ASIC2: variants seen among roughly 807,000 people sequenced by gnomAD.
ASIC2 encodes acid-sensing ion channel 2.
A neutral mutation model predicts 57.3 loss-of-function variants in ASIC2; 25 were observed. The ratio of observed to expected loss-of-function variants is 0.44; its 90% CI spans 0.32 to 0.61. The LOEUF (loss-of-function observed/expected upper bound fraction) is 0.61. Among genes scored for constraint, ASIC2 ranks in the 20% least tolerant of loss-of-function variants. The probability of loss-of-function intolerance (pLI) is 0.06; values close to 1 mark genes in which losing one functional copy is unlikely to be tolerated. For synonymous variants in ASIC2, 319 were observed against 307.5 expected, an observed-to-expected ratio of 1.04 and a Z score of -0.39; for missense variants, 641 against 738.1, an observed-to-expected ratio of 0.87 and a Z score of 1.52.
In ASIC2 at chr17:33,917,364, T is replaced by G. The variant is rs548053931; in HGVS notation, c.555+238614A>C. On this transcript the variant is annotated intron_variant, in intron 1 of 9. Coordinates refer to the ASIC2 transcript ENST00000359872. ...TCCCAAACTTGCTTCTCCTCTTGAC[T>G]TTCACTCTGCTAGAGGTTTCTCTTT... Among the ~76,000 whole-genome samples the G allele has an allele frequency of 1.4e-4, 21 of 152,312 alleles. No homozygotes were observed. The South Asian group carries it at 4.1e-3, about 30-fold the overall frequency.
intron 1 of ASIC2, among the ~76,000 whole-genome samples, chr17:34,023,962 C>G (rs1477026993): frequency 6.6e-6 from 1 of 152,188 alleles, no homozygotes; most frequent in Admixed American, 6.5e-5. Context: ...TAATCTCATT[C>G]AACCCTATGA....
intron 1 of ASIC2, among the ~76,000 whole-genome samples, chr17:33,725,978 C>A (rs8081560): frequency 0.17 from 26,503 of 152,118 alleles, 2,894 homozygotes; most frequent in African/African-American, 0.31. Context: ...ATTGGACCAC[C>A]TGTGTGATGC....
intron 1 of ASIC2, among the ~76,000 whole-genome samples, chr17:33,410,914 A>G (rs2141964658): frequency 6.6e-6 from 1 of 151,836 alleles, no homozygotes. Context: ...GTAGACGCTT[A>G]TTGGAACTGT....
Position 33,025,993 on chromosome 17 carries a change from G to A in ASIC2, c.1139-11C>T, listed in dbSNP as rs1235506572. 6.2e-7 allele frequency: 1 copy of A among 1,613,322 alleles called. No individual in the cohort carries two copies. The highest frequency in any genetic ancestry group is 8.5e-7 in the Non-Finnish European group (1 of 1,179,672). On this transcript the variant is annotated splice_polypyrimidine_tract_variant and intron_variant, in intron 4 of 9. Coordinates refer to ENST00000225823, the MANE Select transcript of ASIC2 (RefSeq NM_183377.2). ...AAAAAGGGGCATCCCCTGCAAAGAA[G>A]AAACACCAGACAGAGTTACTCAGGC...
intron 1 of ASIC2, among the ~76,000 whole-genome samples, chr17:33,314,270 C>G (rs1567820058): frequency 6.6e-6 from 1 of 152,184 alleles, no homozygotes; most frequent in African/African-American, 2.4e-5. Context: ...TAACATGATA[C>G]TATTAATTTC....
chr17:33,739,074 T>C (rs1286804801), intron 1 of ASIC2, among the ~76,000 whole-genome samples: 2 of 152,256 alleles, frequency 1.3e-5, no homozygotes, highest in Non-Finnish European at 2.9e-5. Context: ...ATGGCAGTGC[T>C]GTGGTGATGC....
chr17:33,948,230 G>T (rs1904446169), intron 1 of ASIC2, among the ~76,000 whole-genome samples: 2 of 152,190 alleles, frequency 1.3e-5, no homozygotes, highest in Admixed American at 6.5e-5. Context: ...TCTCCAGCCT[G>T]CTTTACCTCA....
At chr17:33,148,467 G>T (rs1904654725) in intron 1 of ASIC2, among the ~76,000 whole-genome samples, 1 of 152,166 alleles carries the variant, frequency 6.6e-6, no homozygotes, top group Non-Finnish European at 1.5e-5. Context: ...AGCACACTTG[G>T]GTATCAATGC....
intron 1 of ASIC2, among the ~76,000 whole-genome samples, chr17:33,714,121 G>A (rs1909137068): frequency 6.6e-6 from 1 of 151,860 alleles, no homozygotes; most frequent in Non-Finnish European, 1.5e-5. Flanking sequence ...CTCTTACATT[G>A]ACTGCTTCAC....
chr17:34,106,295 G>C (rs1244082247), intron 1 of ASIC2, among the ~76,000 whole-genome samples: 1 of 152,002 alleles, frequency 6.6e-6, no homozygotes, highest in Non-Finnish European at 1.5e-5. Flanking sequence ...TATAGTTATT[G>C]ATATTTCTCT....
intron 1 of ASIC2, among the ~76,000 whole-genome samples, chr17:34,041,073 G>A (rs1255125891): frequency 6.6e-6 from 1 of 152,174 alleles, no homozygotes; most frequent in African/African-American, 2.4e-5. Flanking sequence ...TCTCAACAAG[G>A]AGAAATACCA....
At chr17:33,033,611 A>G (rs1025980458) in intron 3 of ASIC2, among the ~76,000 whole-genome samples, 5 of 152,126 alleles carry the variant, frequency 3.3e-5, no homozygotes, top group African/African-American at 1.2e-4. Context: ...TGGCCTCTCT[A>G]TGCTCTTGGA....
intron 1 of ASIC2, among the ~76,000 whole-genome samples, chr17:33,658,877 C>T (rs1567681345): frequency 6.6e-6 from 1 of 152,080 alleles, no homozygotes; most frequent in Non-Finnish European, 1.5e-5. Context: ...GTAGTTGGCA[C>T]CTGTAATCCT....
rs1263062555 is a variant in ASIC2 at position 33,909,538 on chromosome 17, G to T, written c.555+246440C>A. Reference sequence around the variant, plus strand: ...ATGGGCTATGGAGCCCATAGGCTGGGGGGAGGCAAGAGAGGGGAGACAGGA... The same window carrying T: ...ATGGGCTATGGAGCCCATAGGCTGGTGGGAGGCAAGAGAGGGGAGACAGGA... On this transcript the variant is annotated intron_variant, in intron 1 of 9. Coordinates refer to the ASIC2 transcript ENST00000359872. Among the ~76,000 whole-genome samples the T allele has an allele frequency of 2.0e-5, 3 of 152,136 alleles. No individual in the cohort carries two copies. The East Asian group carries it at 5.8e-4, about 29-fold the overall frequency.
At chr17:33,120,496 C>G (rs768291485) in intron 1 of ASIC2, among the ~76,000 whole-genome samples, 5 of 152,206 alleles carry the variant, frequency 3.3e-5, no homozygotes, top group Non-Finnish European at 7.3e-5. Context: ...GACACAGAGG[C>G]AGAGGGGAAG....
At chr17:33,972,282 C>T (rs1237687376) in intron 1 of ASIC2, among the ~76,000 whole-genome samples, 2 of 152,054 alleles carry the variant, frequency 1.3e-5, no homozygotes, top group African/African-American at 4.8e-5. Context: ...AGTAGGTGAC[C>T]AATATACATT....
intron 1 of ASIC2, among the ~76,000 whole-genome samples, chr17:33,840,835 T>C (rs925459580): frequency 6.1e-5 from 6 of 98,268 alleles, no homozygotes; most frequent in African/African-American, 2.2e-4. Flanking sequence ...AGAGCCTAGA[T>C]TATCTTGTTG....
intron 8 of ASIC2, 92 bp from the exon 9 acceptor site, chr17:33,016,131 G>T: frequency 1.6e-6 from 2 of 1,218,694 alleles, no homozygotes; most frequent in Non-Finnish European, 1.2e-6. Context: ...TGGGGTGGCA[G>T]CTGCTTGGGC....
At chr17:33,110,773 C>G (rs538459474) in intron 2 of ASIC2, among the ~76,000 whole-genome samples, 2 of 152,210 alleles carry the variant, frequency 1.3e-5, no homozygotes, top group Non-Finnish European at 2.9e-5. Context: ...ACTCAAGGCA[C>G]AGGGGTGGCA....
Sources: allele counts gnomAD v4.1 joint callset (sites outside exome capture counted in the v4.1 genomes callset), GRCh38; gene constraint gnomAD v4.1.1; transcripts MANE v1.5; gene names NCBI Gene and HGNC (gene_info 2026-07-23, HGNC 2026-07-21).